The following FSIP1 variants were observed in gnomAD, a reference collection of about 807,000 sequenced individuals.
FSIP1 encodes the protein fibrous sheath-interacting protein 1.
Under a neutral mutation model 60.9 loss-of-function variants are expected in FSIP1, and 65 were observed. The ratio of observed to expected loss-of-function variants is 1.07; its 90% confidence interval spans 0.87 to 1.31. FSIP1 has a LOEUF of 1.31. Among genes scored for constraint, FSIP1 ranks in the 40% most tolerant of loss-of-function variants. The probability of loss-of-function intolerance (pLI) is 0.00; values close to 1 mark genes in which losing one functional copy is unlikely to be tolerated. For missense variants in FSIP1, 675 were observed against 665.5 expected (o/e 1.01, Z -0.16); for synonymous variants, 209 against 221.2 (o/e 0.94, Z 0.49).
At position 39,600,690 on chromosome 15, in the gene FSIP1, A is replaced by G. The variant is rs1890606712; in HGVS notation, c.*190T>C. On this transcript the variant is annotated 3_prime_UTR_variant, in exon 12 of 12. Transcript: ENST00000350221. ...GGTCCCAGAAATTTTAATGAGCAAA[A>G]ACCACTGAACAATTACACCCCAAGT... 3 of 503,344 alleles carry G rather than the reference A, an allele frequency of 6.0e-6. No homozygotes were observed. Among genetic ancestry groups the G allele is most frequent in the Non-Finnish European group, 7.0e-6 (2 of 285,228 alleles). The allele number at this position is 503,344 out of a possible 1,614,324, so 31.2% of individuals were successfully genotyped here. A position where few individuals can be genotyped will look rare whatever the true frequency, so the allele number is the denominator to read the frequency against.
intron 10 of FSIP1, among the ~76,000 whole-genome samples, chr15:39,690,370 GAT>G (rs893351552): frequency 2.0e-5 from 3 of 152,200 alleles, no homozygotes; most frequent in African/African-American, 7.2e-5. Context: ...GTAAGACAGA[GAT>G]AAAGGATTTG....
At chr15:39,670,865 A>T (rs551957259) in intron 10 of FSIP1, among the ~76,000 whole-genome samples, 6 of 152,350 alleles carry the variant, frequency 3.9e-5, no homozygotes, top group Admixed American at 3.9e-4. Context: ...TTATAAGCAA[A>T]ATCTGAGAAG....
chr15:39,704,967 G>A (rs1237434275), intron 10 of FSIP1, among the ~76,000 whole-genome samples: 1 of 152,130 alleles, frequency 6.6e-6, no homozygotes, highest in East Asian at 1.9e-4. Context: ...TGGTTTCCAG[G>A]AAACTGAAAA....
At chr15:39,730,434 TGAA>T (rs1411727829) in intron 8 of FSIP1, among the ~76,000 whole-genome samples, 1 of 152,180 alleles carries the variant, frequency 6.6e-6, no homozygotes, top group East Asian at 1.9e-4. Flanking sequence ...AGAAGAATCA[TGAA>T]GAATATTTGG....
intron 10 of FSIP1, among the ~76,000 whole-genome samples, chr15:39,708,525 C>A (rs1207787825): frequency 1.3e-5 from 2 of 152,150 alleles, no homozygotes; most frequent in African/African-American, 4.8e-5. Context: ...AACATGTTAG[C>A]CCTTTAAATC....
intron 10 of FSIP1, among the ~76,000 whole-genome samples, chr15:39,661,215 C>A (rs1243537743): frequency 6.6e-6 from 1 of 152,166 alleles, no homozygotes; most frequent in Non-Finnish European, 1.5e-5. Context: ...ATTTCCCTGG[C>A]AATTTTTTCT....
chr15:39,723,708 G>A (rs1477592717), intron 9 of FSIP1, among the ~76,000 whole-genome samples: 1 of 152,230 alleles, frequency 6.6e-6, no homozygotes, highest in Non-Finnish European at 1.5e-5. Flanking sequence ...TTACTGGTGA[G>A]TTAATGGTTT....
chr15:39,700,225 A>C (rs1303153726), intron 10 of FSIP1, among the ~76,000 whole-genome samples: 1 of 152,278 alleles, frequency 6.6e-6, no homozygotes, highest in South Asian at 2.1e-4. Flanking sequence ...ACCCCCATCT[A>C]TACCAAATGA....
chr15:39,741,533 T>C (rs575388191), intron 6 of FSIP1, among the ~76,000 whole-genome samples: 94 of 152,332 alleles, frequency 6.2e-4, no homozygotes, highest in African/African-American at 2.3e-3. Flanking sequence ...CACAGACTTG[T>C]TTTTGCTTAA....
At position 39,776,391 on chromosome 15, in the gene FSIP1, TA is replaced by T; in HGVS notation, c.126+7del. 1 of 1,609,914 alleles carries T rather than the reference TA, an allele frequency of 6.2e-7. No homozygotes were observed. Among genetic ancestry groups the T allele is most frequent in the Non-Finnish European group, 8.5e-7 (1 of 1,178,830 alleles). The stretch of plus-strand genomic sequence containing the variant: ...AAGGAGTTTAAATCTTTTCTAAACG[TA>T]AATTACCTTGAAGGATCCTGGTTCT... On this transcript the variant is annotated splice_region_variant and intron_variant, in intron 2 of 11. Coordinates refer to ENST00000350221, the MANE Select transcript of FSIP1 (RefSeq NM_152597.5).
At chr15:39,770,246 TTA>T (rs1226586819) in intron 3 of FSIP1, among the ~76,000 whole-genome samples, 179 bp downstream of exon 3, 1 of 152,230 alleles carries the variant, frequency 6.6e-6, no homozygotes, top group Non-Finnish European at 1.5e-5. Flanking sequence ...TTAAGGGCTC[TTA>T]ATATTGTTAT....
At chr15:39,612,124 A>G (rs1486222286) in intron 11 of FSIP1, among the ~76,000 whole-genome samples, 1 of 152,220 alleles carries the variant, frequency 6.6e-6, no homozygotes, top group Non-Finnish European at 1.5e-5. Context: ...AATCAATAAG[A>G]AAACATTGGA....
intron 10 of FSIP1, among the ~76,000 whole-genome samples, chr15:39,710,481 A>G (rs1227287376): frequency 6.6e-6 from 1 of 151,960 alleles, no homozygotes; most frequent in Admixed American, 6.6e-5. Flanking sequence ...GTACAGATCA[A>G]CATTCATGGG....
chr15:39,741,987 A>G, intron 5 of FSIP1, 87 bp from the exon 6 acceptor site: 1 of 724,542 alleles, frequency 1.4e-6, no homozygotes, highest in Non-Finnish European at 2.4e-6. Flanking sequence ...ATAACATTTA[A>G]TATTCTCTCC....
chr15:39,760,555 G>C (rs991444780), intron 5 of FSIP1, among the ~76,000 whole-genome samples: 17 of 152,032 alleles, frequency 1.1e-4, no homozygotes, highest in African/African-American at 3.9e-4. Context: ...CTAATCATGA[G>C]AAAACATCAC....
intron 1 of FSIP1, chr15:39,782,421 G>A (rs1460664375): frequency 6.6e-6 from 1 of 152,348 alleles, no homozygotes; most frequent in African/African-American, 2.4e-5. Flanking sequence ...CCTAATGTTA[G>A]GTGATTCCTG....
At chr15:39,770,375 A>C (rs1362531811) in intron 3 of FSIP1, 52 bp downstream of exon 3, 2 of 1,291,174 alleles carry the variant, frequency 1.5e-6, no homozygotes, top group African/African-American at 3.0e-5. Flanking sequence ...CATTTGTAAT[A>C]ATCATTAACA....
chr15:39,741,001 T>C lies in FSIP1; in HGVS notation c.655+804A>G, dbSNP rs80255955. 8.2e-4 allele frequency among the ~76,000 whole-genome samples: 125 copies of C among 152,288 alleles called. 3 individuals are homozygous for C. In the East Asian group the frequency reaches 0.023, roughly 28 times the overall value. On this transcript the variant is annotated intron_variant, in intron 6 of 11. Coordinates refer to ENST00000350221, the MANE Select transcript of FSIP1 (RefSeq NM_152597.5). ...AACAATCACGTAATTATCTTTTAAA[T>C]CAACTACCCATAGTTAACGTATGAG...
chr15:39,765,879 G>GT, intron 3 of FSIP1, 133 bp from the exon 4 acceptor site: 3 of 506,410 alleles, frequency 5.9e-6, no homozygotes, highest in Non-Finnish European at 1.0e-5. Flanking sequence ...TTGGTACCAT[G>GT]TATCTCAATT....
Sources: allele counts gnomAD v4.1 joint callset (sites outside exome capture counted in the v4.1 genomes callset), GRCh38; gene constraint gnomAD v4.1.1; transcripts MANE v1.5; gene names NCBI Gene and HGNC (gene_info 2026-07-23, HGNC 2026-07-21).